Variants in NEURL1B observed in about 807,000 individuals in gnomAD.
The protein encoded by NEURL1B is neuralized E3 ubiquitin protein ligase 1B, also known as E3 ubiquitin-protein ligase NEURL1B.
NEURL1B carries 13 observed loss-of-function variants against 37.4 expected under a neutral mutation model. That is an observed-to-expected ratio of 0.35 (90% CI 0.23 to 0.55). The LOEUF (loss-of-function observed/expected upper bound fraction) is 0.55, where lower values mean the gene tolerates loss of function less well. NEURL1B is among the 20% of genes least tolerant of loss of function. The pLI is 0.89. For missense variants in NEURL1B, 790 were observed against 879.2 expected, an observed-to-expected ratio of 0.90 and a Z score of 1.28; for synonymous variants, 432 against 426.6, an observed-to-expected ratio of 1.01 and a Z score of -0.16.
At chr5:172,684,255 C>T (rs564858637) in intron 3 of NEURL1B, 117 bp downstream of exon 3, 4 of 941,396 alleles carry the variant, frequency 4.2e-6, no homozygotes, top group East Asian at 7.9e-5. Flanking sequence ...CCGCCCGAGG[C>T]CAGCCCGCGG....
chr5:172,674,344 A>G (rs1473123130), intron 2 of NEURL1B, among the ~76,000 whole-genome samples: 1 of 151,958 alleles, frequency 6.6e-6, no homozygotes, highest in Non-Finnish European at 1.5e-5. Context: ...CCAGCCCAGT[A>G]TCCTCCTGCA....
rs1220199403 is a variant in NEURL1B, at chr5:172,690,093, A to C, written c.*3168A>C. On this transcript the variant is annotated 3_prime_UTR_variant, in exon 5 of 5. Transcript: ENST00000369800. ...CTCGGCTGTTCCAGGCTCACTGCCCATGGTGTGCTCTTCTGGGCCACAGCA... is the reference window on the plus strand; with the variant it reads ...CTCGGCTGTTCCAGGCTCACTGCCCCTGGTGTGCTCTTCTGGGCCACAGCA... 6.6e-6 allele frequency: 1 copy of C among 152,300 alleles called. No individual in the cohort carries two copies. The highest frequency in any genetic ancestry group is 1.5e-5 in the Non-Finnish European group (1 of 68,138). The allele number at this position is 152,300 out of a possible 1,614,324, so 9.4% of individuals were successfully genotyped here.
chr5:172,669,953 A>G lies in NEURL1B; in HGVS notation c.200A>G (p.Asn67Ser). 6.9e-7 allele frequency: 1 copy of G among 1,454,412 alleles called. No individual in the cohort carries two copies. Among genetic ancestry groups the G allele is most frequent in the Non-Finnish European group, 9.0e-7 (1 of 1,109,086 alleles). The allele number at this position is 1,454,412 out of a possible 1,614,324, so 90.1% of individuals were successfully genotyped here. A position where few individuals can be genotyped will look rare whatever the true frequency, so the allele number is the denominator to read the frequency against. ...GCCACACGGCGCAACAGCTTCTGCA[A>G]TGGCGTCACGTTCACGCAGCGGCCC... ...RRATRRNSFC[N>S]GVTFTQRPIR... Residue 67 changes from asparagine (N) to serine (S), a missense_variant, in exon 2 of 5, where the codon AAT (asparagine) becomes AGT (serine). Coordinates refer to ENST00000369800, the MANE Select transcript of NEURL1B (RefSeq NM_001142651.3).
At chr5:172,663,807 C>T (rs1054444294) in intron 1 of NEURL1B, among the ~76,000 whole-genome samples, 6 of 69,486 alleles carry the variant, frequency 8.6e-5, no homozygotes, top group Non-Finnish European at 2.1e-4. Flanking sequence ...GGACCTCTTC[C>T]TGGCAAAAGA....
At chr5:172,650,455 C>T (rs1290580086) in intron 1 of NEURL1B, among the ~76,000 whole-genome samples, 4 of 152,132 alleles carry the variant, frequency 2.6e-5, no homozygotes, top group Non-Finnish European at 4.4e-5. Flanking sequence ...GAGCCTGGCA[C>T]AAGGTCACCA....
Position 172,683,591 on chromosome 5 carries a change from G to T in NEURL1B, c.750G>T (p.Pro250=). 1 of 1,288,468 alleles carries T rather than the reference G, an allele frequency of 7.8e-7. No homozygotes were observed. The highest frequency in any genetic ancestry group is 4.3e-5 in the Admixed American group (1 of 23,524). 79.8% of individuals were successfully genotyped at this position (1,288,468 alleles called of 1,614,324 possible). A position where few individuals can be genotyped will look rare whatever the true frequency, so the allele number is the denominator to read the frequency against. ...CGCTGGGCCGCGCCCCGGGCCCACCGCCAGCCGACGCCGCGGCCGCCGCCA... is the reference window on the plus strand; with the variant it reads ...CGCTGGGCCGCGCCCCGGGCCCACCTCCAGCCGACGCCGCGGCCGCCGCCA... The part of the protein sequence containing the change: ...HLALGRAPGP[P]PADAAAAAIP... The change falls in exon 3 of 5, where the codon CCG becomes CCT. Residue 250 remains proline (P), a synonymous_variant. Transcript: ENST00000369800. This position sits in a 1 kb window ranked among gnomAD's most constrained non-coding sequence, Gnocchi z 5.6.
At position 172,647,863 on chromosome 5, in the gene NEURL1B, G is replaced by A. The variant is rs1192927966; in HGVS notation, c.31+6426G>A. On this transcript the variant is annotated intron_variant, in intron 1 of 4. Coordinates refer to ENST00000369800, the MANE Select transcript of NEURL1B (RefSeq NM_001142651.3). The surrounding 1 kb of genome is among the most constrained non-coding windows in gnomAD (Gnocchi z 4.2). ...ACTCAGGCTCCTGACTCATCTGCCT[G>A]GTAAAAACTGGCCCATGCTGACACC... Among the ~76,000 whole-genome samples, 3 of 152,072 alleles carry A rather than the reference G, an allele frequency of 2.0e-5. No homozygotes were observed. The highest frequency in any genetic ancestry group is 7.2e-5 in the African/African-American group (3 of 41,394).
intron 1 of NEURL1B, among the ~76,000 whole-genome samples, chr5:172,654,415 G>A (rs984238633): frequency 6.6e-6 from 1 of 152,172 alleles, no homozygotes; most frequent in African/African-American, 2.4e-5. Context: ...CAGTCCTGAA[G>A]GGAGCTCCTC....
rs1006441108 is a variant in NEURL1B at position 172,675,444 on chromosome 5, G to A, written c.577+5114G>A. 1.3e-5 allele frequency among the ~76,000 whole-genome samples: 2 copies of A among 152,116 alleles called. No individual in the cohort carries two copies. Among genetic ancestry groups the A allele is most frequent in the Non-Finnish European group, 2.9e-5 (2 of 68,018 alleles). On this transcript the variant is annotated intron_variant, in intron 2 of 4. Transcript: ENST00000369800. The surrounding 1 kb of genome is among the most constrained non-coding windows in gnomAD (Gnocchi z 4.7). ...GCTCTATGCTTGTTTAATGGTCTCT[G>A]GGGTACAGATCAGGAGGGGCTTGCG...
intron 1 of NEURL1B, among the ~76,000 whole-genome samples, chr5:172,659,049 A>G (rs1757848115): frequency 2.3e-5 from 1 of 42,578 alleles, no homozygotes. Context: ...CCCCCCCCCA[A>G]AGCTTCCTTC....
At chr5:172,659,707 C>T (rs1302456872) in intron 1 of NEURL1B, among the ~76,000 whole-genome samples, 4 of 152,154 alleles carry the variant, frequency 2.6e-5, no homozygotes, top group Admixed American at 2.6e-4. Flanking sequence ...CCTTTAAGAC[C>T]CTTTGTGATA....
At chr5:172,669,749 A>C (rs1432966548) in intron 1 of NEURL1B, 36 bp from the exon 2 acceptor site, 17 of 1,232,330 alleles carry the variant, frequency 1.4e-5, no homozygotes, top group Non-Finnish European at 1.6e-5. Context: ...AGGAGTTCGG[A>C]GGAGGCCTAA....
At chr5:172,659,023 C>G (rs1301353157) in intron 1 of NEURL1B, among the ~76,000 whole-genome samples, 30 of 75,700 alleles carry the variant, frequency 4.0e-4, no homozygotes, top group Non-Finnish European at 7.0e-4. Context: ...CATCCACCAC[C>G]ACCCCTGCCC....
Position 172,659,970 on chromosome 5 carries a change from A to T in NEURL1B, c.32-9815A>T, listed in dbSNP as rs563574581. ...CCCTGTGCAGTCATGGGGTCTGCTT[A>T]TGTCCATCCTTGCAGCTGGTCTCAG... On this transcript the variant is annotated intron_variant, in intron 1 of 4. Transcript: ENST00000369800. Among the ~76,000 whole-genome samples the T allele has an allele frequency of 1.3e-4, 20 of 152,320 alleles. No homozygotes were observed. The South Asian group carries it at 2.7e-3, about 20-fold the overall frequency.
At chr5:172,685,873 G>C (rs1758484247) in intron 3 of NEURL1B, among the ~76,000 whole-genome samples, 1 of 152,180 alleles carries the variant, frequency 6.6e-6, no homozygotes, top group African/African-American at 2.4e-5. Context: ...CACCACTATT[G>C]AGACCAGAGA....
chr5:172,650,031 G>A (rs1043398375), intron 1 of NEURL1B, among the ~76,000 whole-genome samples: 1 of 152,202 alleles, frequency 6.6e-6, no homozygotes, highest in Non-Finnish European at 1.5e-5. Context: ...GGTGTCTTGG[G>A]CAGTATTGGC....
At position 172,641,325 on chromosome 5, in the gene NEURL1B, C is replaced by T. The variant is rs1241809103; in HGVS notation, c.-82C>T. 4 of 1,242,268 alleles carry T rather than the reference C, an allele frequency of 3.2e-6. No individual in the cohort carries two copies. The highest frequency in any genetic ancestry group is 1.6e-5 in the African/African-American group (1 of 63,810). The allele number at this position is 1,242,268 out of a possible 1,614,324, so 77.0% of individuals were successfully genotyped here. On this transcript the variant is annotated 5_prime_UTR_variant, in exon 1 of 5. Coordinates refer to ENST00000369800, the MANE Select transcript of NEURL1B (RefSeq NM_001142651.3). The surrounding 1 kb of genome is among the most constrained non-coding windows in gnomAD (Gnocchi z 6.4). ...CTGCGATGCCCCGGAGCGTCGACCC[C>T]GGTCCTGGTCCCTGGCCCGCCGCGT...
At chr5:172,677,809 G>A (rs116664020) in intron 2 of NEURL1B, among the ~76,000 whole-genome samples, 6 of 152,150 alleles carry the variant, frequency 3.9e-5, no homozygotes, top group South Asian at 2.1e-4. Context: ...CCCCGGTGGC[G>A]TCCGTCTTTT....
Position 172,669,817 on chromosome 5 carries a change from C to A in NEURL1B, c.64C>A (p.Arg22=). The change falls in exon 2 of 5, where the codon CGG becomes AGG. Residue 22 remains arginine, a synonymous_variant. Coordinates refer to ENST00000369800, the MANE Select transcript of NEURL1B (RefSeq NM_001142651.3). ...CCCACCGGCGCGCCTCCTGGCCACC[C>A]GGCCGTGCTGCGGCCCCGGCCCCGA... ...PSPPARLLAT[R]PCCGPGPERR... 7.7e-7 allele frequency: 1 copy of A among 1,300,526 alleles called. No individual in the cohort carries two copies. The highest frequency in any genetic ancestry group is 9.8e-7 in the Non-Finnish European group (1 of 1,017,936). 80.6% of individuals were successfully genotyped at this position (1,300,526 alleles called of 1,614,324 possible).
Sources: gnomAD v4.1 joint callset for allele counts (sites outside exome capture counted in the v4.1 genomes callset) on GRCh38, gnomAD v4.1.1 for gene constraint, Gnocchi (gnomAD v3.1) non-coding constraint, MANE v1.5 for transcripts, NCBI Gene and HGNC (gene_info 2026-07-23, HGNC 2026-07-21) for gene names.